BMPR1A: variants seen among roughly 807,000 people sequenced by gnomAD.
BMPR1A encodes the protein bone morphogenetic protein receptor type-1A.
BMPR1A carries 7 observed loss-of-function variants against 66.0 expected under a neutral mutation model. The observed-to-expected ratio is 0.11, with a 90% confidence interval of 0.06 to 0.20. The LOEUF is 0.20. Ranked by LOEUF, BMPR1A falls within the 10% of genes least tolerant of loss-of-function variation. The pLI, the probability that BMPR1A is intolerant of heterozygous loss-of-function variation, is 1.00. For missense variants in BMPR1A, 408 were observed against 669.1 expected, an observed-to-expected ratio of 0.61 and a Z score of 4.31; for synonymous variants, 200 against 229.7, an observed-to-expected ratio of 0.87 and a Z score of 1.17.
intron 2 of BMPR1A, among the ~76,000 whole-genome samples, chr10:86,873,940 C>T (rs189069682): frequency 2.7e-4 from 41 of 152,214 alleles, no homozygotes; most frequent in Admixed American, 3.3e-4. Context: ...TAAATGATAC[C>T]TCACTGTAAA....
Position 86,924,312 on chromosome 10 carries a change from T to A in BMPR1A, c.*593T>A, listed in dbSNP as rs1250771860. 1.7e-5 allele frequency: 4 copies of A among 238,680 alleles called. No homozygotes were observed. Among genetic ancestry groups the A allele is most frequent in the Non-Finnish European group, 3.3e-5 (4 of 120,818 alleles). 14.8% of individuals were successfully genotyped at this position (238,680 alleles called of 1,614,324 possible). On this transcript the variant is annotated 3_prime_UTR_variant, in exon 13 of 13. Transcript: ENST00000372037. ...ATTAGAAGAAAATAATTTATATGCA[T>A]GCACAGGAAGATATTGGTGGCCGGT...
chr10:86,859,144 G>A (rs942362632), intron 2 of BMPR1A, among the ~76,000 whole-genome samples: 5 of 152,130 alleles, frequency 3.3e-5, no homozygotes, highest in Non-Finnish European at 5.9e-5. Flanking sequence ...TGGCAAAGGC[G>A]CCAAGAACAT....
intron 1 of BMPR1A, among the ~76,000 whole-genome samples, chr10:86,758,672 A>G (rs1414028115): frequency 6.6e-6 from 1 of 152,244 alleles, no homozygotes; most frequent in African/African-American, 2.4e-5. Flanking sequence ...ATTAAAATTT[A>G]GTCATTCACA....
chr10:86,795,090 A>ATCTGCCTGCT (rs1426843427), intron 1 of BMPR1A, among the ~76,000 whole-genome samples: 2 of 151,970 alleles, frequency 1.3e-5, no homozygotes, highest in African/African-American at 4.8e-5. Flanking sequence ...ACCTCAGGTG[A>ATCTGCCTGCT]TCTGCCTGCT....
At chr10:86,902,766 CAG>C (rs1278226282) in intron 7 of BMPR1A, among the ~76,000 whole-genome samples, 1 of 152,190 alleles carries the variant, frequency 6.6e-6, no homozygotes, top group African/African-American at 2.4e-5. Flanking sequence ...TTGGGCATCA[CAG>C]GGGGAACCCA....
intron 2 of BMPR1A, among the ~76,000 whole-genome samples, chr10:86,871,490 T>C (rs1842855073): frequency 6.6e-6 from 1 of 152,154 alleles, no homozygotes; most frequent in African/African-American, 2.4e-5. Flanking sequence ...TCCATAGGAC[T>C]CCAGCATTGG....
intron 1 of BMPR1A, among the ~76,000 whole-genome samples, chr10:86,805,001 A>G (rs562790792): frequency 2.6e-4 from 39 of 152,192 alleles, no homozygotes; most frequent in African/African-American, 9.4e-4. Flanking sequence ...CGGTAGCCTC[A>G]GGCGTTCCTT....
At chr10:86,848,181 T>C (rs1414485787) in intron 2 of BMPR1A, among the ~76,000 whole-genome samples, 1 of 152,196 alleles carries the variant, frequency 6.6e-6, no homozygotes, top group Non-Finnish European at 1.5e-5. Context: ...CCGAACTGCC[T>C]TGGCCTCCCA....
In BMPR1A at chr10:86,827,664, C is replaced by A. The variant is rs564831999; in HGVS notation, c.-267-11201C>A. On this transcript the variant is annotated intron_variant, in intron 1 of 12. Coordinates refer to ENST00000372037, the MANE Select transcript of BMPR1A (RefSeq NM_004329.3). ...ATAAGCCAGATGAGTTCAAGAGGAG[C>A]AAGTTTGTGAGAGGATGGACAAGTG... is the stretch of plus-strand genomic sequence containing the variant. Among the ~76,000 whole-genome samples, 11 of 152,228 alleles carry A rather than the reference C, an allele frequency of 7.2e-5. No homozygotes were observed. In the East Asian group the frequency reaches 1.9e-3, roughly 27 times the overall value.
At chr10:86,762,748 G>C (rs1841089079) in intron 1 of BMPR1A, among the ~76,000 whole-genome samples, 1 of 152,144 alleles carries the variant, frequency 6.6e-6, no homozygotes, top group South Asian at 2.1e-4. Context: ...TCTACAAAAA[G>C]GAAGTCCAGG....
chr10:86,815,333 C>G (rs1842021698), intron 1 of BMPR1A, among the ~76,000 whole-genome samples: 1 of 152,092 alleles, frequency 6.6e-6, no homozygotes, highest in Non-Finnish European at 1.5e-5. Flanking sequence ...GAACCTTTTC[C>G]TGTTCAATTC....
chr10:86,782,797 G>T (rs1021896271), intron 1 of BMPR1A, among the ~76,000 whole-genome samples: 1 of 151,742 alleles, frequency 6.6e-6, no homozygotes, highest in African/African-American at 2.4e-5. Flanking sequence ...CTCTCATTCT[G>T]TAGGTTGCCT....
intron 1 of BMPR1A, among the ~76,000 whole-genome samples, chr10:86,820,925 A>G (rs4933414): frequency 0.076 from 11,508 of 152,258 alleles, 531 homozygotes; most frequent in Non-Finnish European, 0.081. Context: ...ATCATCCTGC[A>G]GTGGAAAATT....
At chr10:86,899,340 T>C (rs1006582362) in intron 5 of BMPR1A, among the ~76,000 whole-genome samples, 1 of 152,238 alleles carries the variant, frequency 6.6e-6, no homozygotes, top group African/African-American at 2.4e-5. Flanking sequence ...GATGCTCAAC[T>C]TGCCTCTGCA....
At chr10:86,760,571 A>G (rs1242946830) in intron 1 of BMPR1A, among the ~76,000 whole-genome samples, 2 of 152,072 alleles carry the variant, frequency 1.3e-5, no homozygotes, top group African/African-American at 2.4e-5. Flanking sequence ...TAGTTTCACT[A>G]CTAGTTTGCA....
chr10:86,897,649 C>T (rs756972307), intron 5 of BMPR1A, among the ~76,000 whole-genome samples: 8 of 152,282 alleles, frequency 5.3e-5, no homozygotes, highest in Non-Finnish European at 1.0e-4. Flanking sequence ...CTCCATCACC[C>T]AGGCTGGAGT....
rs142942476 is a variant in BMPR1A at position 86,775,296 on chromosome 10, A to G, written c.-268+18377A>G. On this transcript the variant is annotated intron_variant, in intron 1 of 12. Transcript: ENST00000372037. ...GAGAAGTACTGTCACTGTCTGTTAC[A>G]TCTGATAAAACCTGCCTATTAATCT... Among the ~76,000 whole-genome samples the G allele has an allele frequency of 2.6e-4, 40 of 152,348 alleles. No individual in the cohort carries two copies. In the East Asian group the frequency reaches 6.4e-3, roughly 24 times the overall value.
chr10:86,785,264 T>G (rs577320062), intron 1 of BMPR1A, among the ~76,000 whole-genome samples: 30 of 152,296 alleles, frequency 2.0e-4, no homozygotes, highest in African/African-American at 6.0e-4. Flanking sequence ...CATGTGTACT[T>G]GAGAAAATGT....
At chr10:86,819,966 C>T (rs968006692) in intron 1 of BMPR1A, among the ~76,000 whole-genome samples, 2 of 152,200 alleles carry the variant, frequency 1.3e-5, no homozygotes, top group Non-Finnish European at 2.9e-5. Flanking sequence ...AAAGGTGAAT[C>T]CAGTTGCTTT....
Sources: gnomAD v4.1 joint callset for allele counts (sites outside exome capture counted in the v4.1 genomes callset) on GRCh38, gnomAD v4.1.1 for gene constraint, MANE v1.5 for transcripts, NCBI Gene and HGNC (gene_info 2026-07-23, HGNC 2026-07-21) for gene names.